The following SMDT1 variants were observed in gnomAD, a reference collection of about 807,000 sequenced individuals.
SMDT1 encodes essential MCU regulator, mitochondrial.
Under a neutral mutation model 5.9 loss-of-function variants are expected in SMDT1, and 6 were observed. The ratio of observed to expected loss-of-function variants is 1.03; its 90% CI spans 0.56 to 2.02. The LOEUF is 2.02. Ranked by LOEUF, SMDT1 falls within the 30% of genes most tolerant of loss-of-function variation. SMDT1 has a pLI of 0.00. For synonymous variants in SMDT1, 81 were observed against 62.4 expected, an observed-to-expected ratio of 1.30 and a Z score of -1.40; for missense variants, 159 against 145.6, an observed-to-expected ratio of 1.09 and a Z score of -0.47.
chr22:42,079,742 G>T lies in SMDT1; in HGVS notation c.-27G>T, dbSNP rs376577255. ...GAGGGCTGGGCGGTGGGGTGCGGGT[G>T]CCCGGGTGAGGGGCGGAGCTGGGGG... On this transcript the variant is annotated 5_prime_UTR_variant, in exon 1 of 3. Coordinates refer to ENST00000331479, the MANE Select transcript of SMDT1 (RefSeq NM_033318.5). The T allele has an allele frequency of 4.3e-5, 68 of 1,588,838 alleles. No individual in the cohort carries two copies. In the African/African-American group the frequency reaches 8.3e-4, roughly 19 times the overall value.
intron 2 of SMDT1, chr22:42,082,336 G>T: frequency 5.3e-6 from 2 of 377,676 alleles, no homozygotes; most frequent in South Asian, 2.7e-5. Context: ...CGGGTAGCTG[G>T]GATTACAGAC....
intron 1 of SMDT1, among the ~76,000 whole-genome samples, 182 bp from the exon 2 acceptor site, chr22:42,081,743 T>C (rs564287949): frequency 7.3e-4 from 111 of 152,324 alleles, no homozygotes; most frequent in African/African-American, 2.6e-3. Flanking sequence ...ATTAAAGGTG[T>C]GAGCCACCCT....
intron 2 of SMDT1, 64 bp downstream of exon 2, chr22:42,082,129 C>A: frequency 6.3e-7 from 1 of 1,587,758 alleles, no homozygotes; most frequent in South Asian, 1.1e-5. Context: ...GTGATGCAGT[C>A]TGGCCTGGTA....
At chr22:42,080,209 G>C (rs1184672925) in intron 1 of SMDT1, among the ~76,000 whole-genome samples, 1 of 152,214 alleles carries the variant, frequency 6.6e-6, no homozygotes, top group African/African-American at 2.4e-5. Context: ...GCGGTGCTCT[G>C]CTCCTCTGGA....
chr22:42,080,198 T>G (rs1012033921), intron 1 of SMDT1, among the ~76,000 whole-genome samples: 1 of 152,126 alleles, frequency 6.6e-6, no homozygotes. Context: ...TCCTGAGAGG[T>G]GCGGTGCTCT....
At chr22:42,082,531 G>A (rs1927868607) in intron 2 of SMDT1, among the ~76,000 whole-genome samples, 1 of 152,208 alleles carries the variant, frequency 6.6e-6, no homozygotes, top group African/African-American at 2.4e-5. Flanking sequence ...GTGCTGCATG[G>A]CATTCTGTCA....
chr22:42,081,925 A>G lies in SMDT1; in HGVS notation c.187A>G (p.Met63Val), dbSNP rs1367934328. The G allele has an allele frequency of 1.2e-6, 2 of 1,613,960 alleles. No individual in the cohort carries two copies. The change falls in exon 2 of 3, where the codon ATG (methionine) becomes GTG (valine). Residue 63 changes from methionine to valine, a missense_variant and splice_region_variant. Physicochemically the swap from Met to Val is conservative, Grantham distance 21. Transcript: ENST00000331479. ...SGAILPKPVK[M>V]SFGLLRVFSI... ...CAGCTGCCACTCTGACCCTCTGCAG[A>G]TGTCCTTCGGCCTTCTCCGTGTGTT...
intron 1 of SMDT1, among the ~76,000 whole-genome samples, 178 bp downstream of exon 1, chr22:42,080,132 G>A (rs574687864): frequency 1.3e-5 from 2 of 152,290 alleles, no homozygotes; most frequent in South Asian, 4.1e-4. Context: ...GAAAATGGTA[G>A]GTAGACAGAA....
chr22:42,084,098 C>T lies in SMDT1; in HGVS notation c.*983C>T, dbSNP rs1268232257. 6.6e-6 allele frequency: 1 copy of T among 152,182 alleles called. No individual in the cohort carries two copies. Among genetic ancestry groups the T allele is most frequent in the East Asian group, 1.9e-4 (1 of 5,198 alleles). The allele number at this position is 152,182 out of a possible 1,614,324, so 9.4% of individuals were successfully genotyped here. A position where few individuals can be genotyped will look rare whatever the true frequency, so the allele number is the denominator to read the frequency against. On this transcript the variant is annotated 3_prime_UTR_variant, in exon 3 of 3. Transcript: ENST00000331479. ...TGTCCATGCTTCAATCATCCCTATC[C>T]AATGAGGTCTCCATAAAAGGCCCAA... is the stretch of plus-strand genomic sequence containing the variant.
At position 42,079,876 on chromosome 22, in the gene SMDT1, C is replaced by T; in HGVS notation, c.108C>T (p.Ser36=). The T allele has an allele frequency of 6.2e-7, 1 of 1,614,174 alleles. No individual in the cohort carries two copies. The highest frequency in any genetic ancestry group is 1.1e-5 in the South Asian group (1 of 91,084). The change falls in exon 1 of 3, where the codon AGC becomes AGT. Residue 36 remains serine, a synonymous_variant. Coordinates refer to ENST00000331479, the MANE Select transcript of SMDT1 (RefSeq NM_033318.5). ...ATGGCGATGTCTCCGCCGCATGGAG[C>T]GGCTCAGGCCGGAGCCTGGTACCGT... is the stretch of plus-strand genomic sequence containing the variant. ...RKDGDVSAAW[S]GSGRSLVPSR...
chr22:42,080,608 A>G (rs1485969518), intron 1 of SMDT1, among the ~76,000 whole-genome samples: 2 of 152,146 alleles, frequency 1.3e-5, no homozygotes, highest in Non-Finnish European at 2.9e-5. Flanking sequence ...ACAGTCCCTT[A>G]TATCAAGCGA....
intron 2 of SMDT1, 138 bp downstream of exon 2, chr22:42,082,203 CGTTT>C (rs1162869135): frequency 3.3e-5 from 38 of 1,147,816 alleles, no homozygotes; most frequent in South Asian, 1.6e-4. Context: ...CTAATGTTTT[CGTTT>C]GTTTGTTTTT....
rs201502848 is a variant in SMDT1 at position 42,082,776 on chromosome 22, CTTT to C, written c.*4-342_*4-340del. Among the ~76,000 whole-genome samples, 16 of 152,320 alleles carry C rather than the reference CTTT, an allele frequency of 1.1e-4. No homozygotes were observed. The East Asian group carries it at 2.9e-3, about 28-fold the overall frequency. On this transcript the variant is annotated intron_variant, in intron 2 of 2. Transcript: ENST00000331479. ...CTTAATTCCACCCATTCTACAGTGT[CTTT>C]GAAGTCTTCGTTCCTCCTTTCATTT...
chr22:42,082,601 C>T (rs1171750015), intron 2 of SMDT1, among the ~76,000 whole-genome samples: 2 of 152,200 alleles, frequency 1.3e-5, no homozygotes, highest in African/African-American at 2.4e-5. Context: ...AATCTGGTCA[C>T]ACCTCTTATT....
At chr22:42,080,974 C>T (rs552198072) in intron 1 of SMDT1, among the ~76,000 whole-genome samples, 35 of 152,286 alleles carry the variant, frequency 2.3e-4, no homozygotes, top group Middle Eastern at 6.8e-3. Context: ...TTTCTGTCAT[C>T]GGTTTTCGTG....
chr22:42,080,928 T>G (rs941181653), intron 1 of SMDT1, among the ~76,000 whole-genome samples: 1 of 152,358 alleles, frequency 6.6e-6, no homozygotes, highest in South Asian at 2.1e-4. Context: ...ACCTGTTACT[T>G]AGTGAACTGT....
Position 42,079,855 on chromosome 22 carries a change from C to G in SMDT1, c.87C>G (p.Gly29=). 1 of 1,614,102 alleles carries G rather than the reference C, an allele frequency of 6.2e-7. No homozygotes were observed. Among genetic ancestry groups the G allele is most frequent in the Non-Finnish European group, 8.5e-7 (1 of 1,180,020 alleles). Residue 29 remains glycine, a synonymous_variant, in exon 1 of 3, where the codon GGC becomes GGG. Transcript: ENST00000331479. The part of the protein sequence containing the change: ...LRSGPSLRKD[G]DVSAAWSGSG... Reference sequence around the variant, plus strand: ...GCGGGCCTAGCTTGAGGAAAGATGGCGATGTCTCCGCCGCATGGAGCGGCT... The same window carrying G: ...GCGGGCCTAGCTTGAGGAAAGATGGGGATGTCTCCGCCGCATGGAGCGGCT...
chr22:42,084,074 G>A lies in SMDT1; in HGVS notation c.*959G>A, dbSNP rs1927991957. ...TGTCCAATCCCATTTCTCCAGTGTT[G>A]TCCATGCTTCAATCATCCCTATCCA... On this transcript the variant is annotated 3_prime_UTR_variant, in exon 3 of 3. Transcript: ENST00000331479. 1 of 152,162 alleles carries A rather than the reference G, an allele frequency of 6.6e-6. No individual in the cohort carries two copies. The allele number at this position is 152,162 out of a possible 1,614,324, so 9.4% of individuals were successfully genotyped here.
At position 42,079,776 on chromosome 22, in the gene SMDT1, C is replaced by T; in HGVS notation, c.8C>T (p.Ser3Phe). ...AGGGGCGGAGCTGGGGGCATGGCGTCCGGAGCGGCTCGCTGGCTAGTATTG... is the reference window on the plus strand; with the variant it reads ...AGGGGCGGAGCTGGGGGCATGGCGTTCGGAGCGGCTCGCTGGCTAGTATTG... MA[S>F]GAARWLVLAP... Residue 3 changes from serine to phenylalanine, a missense_variant, in exon 1 of 3, where the codon TCC becomes TTC. Coordinates refer to ENST00000331479, the MANE Select transcript of SMDT1 (RefSeq NM_033318.5). 6.2e-7 allele frequency: 1 copy of T among 1,607,244 alleles called. No individual in the cohort carries two copies. Among genetic ancestry groups the T allele is most frequent in the Non-Finnish European group, 8.5e-7 (1 of 1,178,528 alleles).
Sources: gnomAD v4.1 joint callset for allele counts (sites outside exome capture counted in the v4.1 genomes callset) on GRCh38, gnomAD v4.1.1 for gene constraint, MANE v1.5 for transcripts, NCBI Gene and HGNC (gene_info 2026-07-23, HGNC 2026-07-21) for gene names.